ARHGAP27: variants seen among roughly 807,000 people sequenced by gnomAD.
The protein encoded by ARHGAP27 is rho GTPase-activating protein 27.
Under a neutral mutation model 102.0 loss-of-function variants are expected in ARHGAP27, and 53 were observed. The observed-to-expected ratio is 0.52, with a 90% confidence interval of 0.42 to 0.65. The LOEUF (loss-of-function observed/expected upper bound fraction) is 0.65, where lower values mean the gene tolerates loss of function less well. ARHGAP27 is among the 30% of genes least tolerant of loss of function. The pLI is 0.00. For synonymous variants in ARHGAP27, 525 were observed against 542.8 expected (o/e 0.97, Z 0.46); for missense variants, 1,117 against 1,256.2 (o/e 0.89, Z 1.68).
At chr17:45,400,139 G>C (rs2046269310) in intron 12 of ARHGAP27, among the ~76,000 whole-genome samples, 1 of 152,042 alleles carries the variant, frequency 6.6e-6, no homozygotes, top group Non-Finnish European at 1.5e-5. Context: ...CTCCAGCCTG[G>C]GCAACACAGT....
chr17:45,406,040 T>TGAAGTG lies in ARHGAP27; in HGVS notation c.700_701insCACTTC (p.Arg233_Gln234insProLeu). 2.0e-6 allele frequency: 3 copies of TGAAGTG among 1,533,452 alleles called. No homozygotes were observed. The highest frequency in any genetic ancestry group is 2.6e-6 in the Non-Finnish European group (3 of 1,145,202). 95.0% of individuals were successfully genotyped at this position (1,533,452 alleles called of 1,614,324 possible). A position where few individuals can be genotyped will look rare whatever the true frequency, so the allele number is the denominator to read the frequency against. On this transcript the variant is annotated inframe_insertion, in exon 5 of 20. Coordinates refer to ENST00000685559, the MANE Select transcript of ARHGAP27 (RefSeq NM_001282290.2). ...GGCGCCCGGTGAAGTGGCCCGGGGC[T>TGAAGTG]GCCTCTCTATGTTCGCGTACACGGG...
Position 45,429,950 on chromosome 17 carries a change from G to C in ARHGAP27, c.330C>G (p.Pro110=), listed in dbSNP as rs754163963. Residue 110 remains proline (P), a synonymous_variant, in exon 4 of 20, where the codon CCC becomes CCG. Coordinates refer to ENST00000685559, the MANE Select transcript of ARHGAP27 (RefSeq NM_001282290.2). ...AGCTGGCTCGGCCTCCGGACTCCTCGGGGGCGCCGTCGGGGCCCGCGGTCG... is the reference window on the plus strand; with the variant it reads ...AGCTGGCTCGGCCTCCGGACTCCTCCGGGGCGCCGTCGGGGCCCGCGGTCG... ...AAATAGPDGA[P]EESGGRASSL... is the part of the protein sequence containing the mutation. The C allele has an allele frequency of 5.2e-4, 587 of 1,130,618 alleles. No individual in the cohort carries two copies. The highest frequency in any genetic ancestry group is 5.8e-4 in the Non-Finnish European group (538 of 924,964). The allele number at this position is 1,130,618 out of a possible 1,614,324, so 70.0% of individuals were successfully genotyped here.
intron 4 of ARHGAP27, among the ~76,000 whole-genome samples, chr17:45,419,068 G>A (rs780458181): frequency 2.4e-4 from 36 of 151,884 alleles, no homozygotes; most frequent in Non-Finnish European, 4.0e-4. Flanking sequence ...TGACAGCTCA[G>A]CAGGGGGAAC....
chr17:45,400,113 C>T (rs1019028572), intron 12 of ARHGAP27, among the ~76,000 whole-genome samples: 35 of 151,896 alleles, frequency 2.3e-4, no homozygotes, highest in Admixed American at 5.2e-4. Context: ...CAGTGAGCTA[C>T]GATCAAGCCA....
intron 12 of ARHGAP27, among the ~76,000 whole-genome samples, chr17:45,402,148 G>A (rs903551277): frequency 4.6e-5 from 7 of 152,150 alleles, no homozygotes; most frequent in East Asian, 1.9e-4. Context: ...CGGTCCAGTC[G>A]GAAATGGGGC....
chr17:45,403,591 G>A (rs768620376), intron 11 of ARHGAP27, 28 bp downstream of exon 11: 4 of 1,535,064 alleles, frequency 2.6e-6, no homozygotes, highest in Middle Eastern at 3.9e-4. Flanking sequence ...CAGATGGGAT[G>A]GTCCCTGCCC....
intron 4 of ARHGAP27, among the ~76,000 whole-genome samples, chr17:45,413,327 T>C (rs985053114): frequency 9.2e-5 from 14 of 152,100 alleles, no homozygotes; most frequent in South Asian, 2.1e-4. Flanking sequence ...AATGTAACGG[T>C]TTCAGGTGAG....
chr17:45,402,577 C>G (rs1410333404), intron 12 of ARHGAP27, 137 bp downstream of exon 12: 2 of 754,694 alleles, frequency 2.7e-6, no homozygotes, highest in African/African-American at 3.6e-5. Context: ...TTAATACAGC[C>G]AAAAGCTGCA....
At chr17:45,397,107 C>G in intron 13 of ARHGAP27, 83 bp from the exon 14 acceptor site, 11 of 1,564,092 alleles carry the variant, frequency 7.0e-6, no homozygotes, top group Non-Finnish European at 9.5e-6. Context: ...CCGAAATGCA[C>G]TCCCAACAGG....
intron 12 of ARHGAP27, among the ~76,000 whole-genome samples, chr17:45,400,514 C>T (rs998195711): frequency 2.0e-5 from 3 of 152,140 alleles, no homozygotes; most frequent in African/African-American, 7.2e-5. Context: ...CTCAAAAAGC[C>T]CTATTCTGAA....
rs548606565 is a variant in ARHGAP27, at chr17:45,420,527, T to TA, written c.657+9095dup. Among the ~76,000 whole-genome samples, 107 of 151,114 alleles carry TA rather than the reference T, an allele frequency of 7.1e-4. No homozygotes were observed. The South Asian group carries it at 0.013, about 18-fold the overall frequency. On this transcript the variant is annotated intron_variant, in intron 4 of 19. Transcript: ENST00000685559. Reference sequence around the variant, plus strand: ...TAGACTTTAAAATATTGCTTTGATTTAAAAAAAAACCTGTAAAAATACTAT... The same window carrying TA: ...TAGACTTTAAAATATTGCTTTGATTTAAAAAAAAAACCTGTAAAAATACTAT...
intron 14 of ARHGAP27, 42 bp from the exon 15 acceptor site, chr17:45,396,832 A>AGGGCAGGCC (rs1567689749): frequency 3.5e-5 from 56 of 1,607,190 alleles, no homozygotes; most frequent in Non-Finnish European, 4.6e-5. Context: ...AGGCAGCGCC[A>AGGGCAGGCC]GGGCAGGCCA....
chr17:45,407,220 G>A (rs1168068505), intron 4 of ARHGAP27, among the ~76,000 whole-genome samples: 1 of 152,106 alleles, frequency 6.6e-6, no homozygotes, highest in African/African-American at 2.4e-5. Context: ...CCAGTTGCTA[G>A]AGGTCCCCAC....
chr17:45,398,990 A>G (rs924038841), intron 12 of ARHGAP27, among the ~76,000 whole-genome samples: 4 of 152,166 alleles, frequency 2.6e-5, no homozygotes, highest in African/African-American at 9.7e-5. Flanking sequence ...CCGCTTCATC[A>G]TGAAGCATAA....
At chr17:45,419,695 GA>G in intron 4 of ARHGAP27, among the ~76,000 whole-genome samples, 1 of 151,466 alleles carries the variant, frequency 6.6e-6, no homozygotes, top group Non-Finnish European at 1.5e-5. Flanking sequence ...CAGGGTGGGG[GA>G]GGGAATTACA....
In ARHGAP27 at chr17:45,395,965, C is replaced by T; in HGVS notation, c.2386+18G>A. ...CCACGCCCCTACCCCATCCGCCCCA[C>T]CTGCCCCAGGTGCTCACTGATGGCC... is the stretch of plus-strand genomic sequence containing the variant. On this transcript the variant is annotated intron_variant, in intron 18 of 19. Transcript: ENST00000685559. The T allele has an allele frequency of 1.2e-6, 2 of 1,601,168 alleles. No homozygotes were observed. Among genetic ancestry groups the T allele is most frequent in the South Asian group, 1.1e-5 (1 of 89,506 alleles).
chr17:45,395,699 A>G, intron 19 of ARHGAP27, 45 bp downstream of exon 19: 1 of 1,567,772 alleles, frequency 6.4e-7, no homozygotes, highest in Non-Finnish European at 8.6e-7. Context: ...TGGGGGCTTC[A>G]GCCGGGACCT....
rs181265159 is a variant in ARHGAP27 at position 45,412,949 on chromosome 17, G to A, written c.658-6866C>T. Among the ~76,000 whole-genome samples, 855 of 141,518 alleles carry A rather than the reference G, an allele frequency of 6.0e-3. 3 individuals carry two copies. The highest frequency in any genetic ancestry group is 9.5e-3 in the Non-Finnish European group (630 of 66,198). 92.8% of individuals were successfully genotyped at this position (141,518 alleles called of 152,430 possible). A position where few individuals can be genotyped will look rare whatever the true frequency, so the allele number is the denominator to read the frequency against. ...CTGTGCCTCCCAGGTGTGGCACCAC[G>A]GCTCAGTATAATCTTTTTTTTTTTT... is the stretch of plus-strand genomic sequence containing the variant. On this transcript the variant is annotated intron_variant, in intron 4 of 19. Coordinates refer to ENST00000685559, the MANE Select transcript of ARHGAP27 (RefSeq NM_001282290.2).
intron 4 of ARHGAP27, among the ~76,000 whole-genome samples, chr17:45,410,827 T>TG (rs1190523419): frequency 6.9e-6 from 1 of 145,786 alleles, no homozygotes. Flanking sequence ...AGGAAGCTTG[T>TG]GGGGGGGAGG....
Sources: gnomAD v4.1 joint callset for allele counts (sites outside exome capture counted in the v4.1 genomes callset) on GRCh38, gnomAD v4.1.1 for gene constraint, MANE v1.5 for transcripts, NCBI Gene and HGNC (gene_info 2026-07-23, HGNC 2026-07-21) for gene names.